The following RELL1 variants were observed in gnomAD, a reference collection of about 807,000 sequenced individuals.
RELL1 encodes RELT like 1.
A neutral mutation model predicts 23.0 loss-of-function variants in RELL1; 10 were observed. The ratio of observed to expected loss-of-function variants is 0.43; its 90% CI spans 0.27 to 0.74. The LOEUF (loss-of-function observed/expected upper bound fraction) is 0.74. RELL1 is among the 30% of genes least tolerant of loss of function. The pLI, the probability that RELL1 is intolerant of heterozygous loss-of-function variation, is 0.19. For synonymous variants in RELL1, 146 were observed against 146.8 expected (o/e 0.99, Z 0.04); for missense variants, 315 against 364.4 (o/e 0.86, Z 1.10).
At chr4:37,623,095 A>G (rs6531559) in intron 6 of RELL1, 310,206 of 311,226 alleles carry the variant, frequency 1, 154,599 homozygotes, top group Middle Eastern at 1. Flanking sequence ...GAGCCACCGC[A>G]CCCGGCCAAG....
chr4:37,669,270 C>CG (rs1721698325), intron 1 of RELL1, among the ~76,000 whole-genome samples: 1 of 134,200 alleles, frequency 7.5e-6, no homozygotes, highest in Non-Finnish European at 1.6e-5. Context: ...CCGCCCCATC[C>CG]GGGAGGTGAG....
chr4:37,602,630 C>G (rs1194490320), intron 6 of RELL1, among the ~76,000 whole-genome samples: 2 of 152,152 alleles, frequency 1.3e-5, no homozygotes, highest in African/African-American at 4.8e-5. Flanking sequence ...CCGCTTACAG[C>G]AGTCGCGCCC....
intron 2 of RELL1, 99 bp from the exon 3 acceptor site, chr4:37,647,538 A>T (rs146610183): frequency 1.2e-5 from 9 of 770,890 alleles, no homozygotes; most frequent in African/African-American, 5.2e-5. Flanking sequence ...AGTTTCCAGA[A>T]GCCTCAGGAG....
At chr4:37,631,612 C>T (rs900505249) in intron 5 of RELL1, 89 bp from the exon 6 acceptor site, 3 of 1,409,892 alleles carry the variant, frequency 2.1e-6, no homozygotes, top group South Asian at 1.3e-5. Flanking sequence ...CCCAGAGGAT[C>T]TCAAATGAAC....
At chr4:37,591,027 G>A (rs1413859009) in exon 7 of RELL1, 1 of 1,568,162 alleles carries the variant, frequency 6.4e-7, no homozygotes, top group Non-Finnish European at 8.7e-7. Flanking sequence ...AGGGAGGTAA[G>A]CTGGTGTCAT....
chr4:37,601,815 G>C (rs574034495), intron 6 of RELL1, among the ~76,000 whole-genome samples: 4 of 152,128 alleles, frequency 2.6e-5, no homozygotes, highest in Non-Finnish European at 4.4e-5. Flanking sequence ...TGGTTGGTTG[G>C]TTGCAAATGA....
At chr4:37,637,148 A>C (rs1322300924) in intron 4 of RELL1, among the ~76,000 whole-genome samples, 1 of 152,168 alleles carries the variant, frequency 6.6e-6, no homozygotes, top group Admixed American at 6.5e-5. Flanking sequence ...AGACAAAGAC[A>C]CCTTGAGCTA....
chr4:37,672,996 A>G (rs1218575086), intron 1 of RELL1, among the ~76,000 whole-genome samples: 1 of 152,154 alleles, frequency 6.6e-6, no homozygotes, highest in Non-Finnish European at 1.5e-5. Context: ...AATGGTTGAG[A>G]ATTCAATAGT....
At chr4:37,667,681 T>G (rs1721585342) in intron 1 of RELL1, among the ~76,000 whole-genome samples, 1 of 151,892 alleles carries the variant, frequency 6.6e-6, no homozygotes, top group Admixed American at 6.6e-5. Context: ...AGTGAGTCAG[T>G]TATTAGGAAG....
intron 1 of RELL1, among the ~76,000 whole-genome samples, chr4:37,673,186 CTTTT>C (rs71189095): frequency 2.1e-5 from 2 of 93,190 alleles, no homozygotes; most frequent in African/African-American, 4.1e-5. Flanking sequence ...CTTTTTTTTT[CTTTT>C]TTTTTTTTTT....
chr4:37,601,468 C>T (rs1276501299), intron 6 of RELL1, among the ~76,000 whole-genome samples: 5 of 152,140 alleles, frequency 3.3e-5, no homozygotes, highest in South Asian at 2.1e-4. Flanking sequence ...AGTTAGAAGA[C>T]GGGGTCCAAA....
intron 5 of RELL1, among the ~76,000 whole-genome samples, chr4:37,634,457 C>T (rs1229823557): frequency 6.6e-6 from 1 of 152,206 alleles, no homozygotes; most frequent in Non-Finnish European, 1.5e-5. Context: ...TTTCAAAACC[C>T]CTCGTGAACA....
chr4:37,680,694 C>T (rs755075640), intron 1 of RELL1, among the ~76,000 whole-genome samples: 2 of 152,016 alleles, frequency 1.3e-5, no homozygotes, highest in Non-Finnish European at 2.9e-5. Context: ...TTTGGGAGGC[C>T]GAGGCGGGCG....
At chr4:37,621,056 A>G (rs1008825550) in intron 6 of RELL1, among the ~76,000 whole-genome samples, 4 of 152,226 alleles carry the variant, frequency 2.6e-5, no homozygotes, top group Non-Finnish European at 4.4e-5. Flanking sequence ...CAGAACCTCT[A>G]TGGTGGAACC....
intron 1 of RELL1, among the ~76,000 whole-genome samples, chr4:37,682,046 A>C (rs1722245567): frequency 6.6e-6 from 1 of 152,230 alleles, no homozygotes; most frequent in South Asian, 2.1e-4. Flanking sequence ...CAGCTTACAC[A>C]TGAGTGACTT....
intron 5 of RELL1, among the ~76,000 whole-genome samples, chr4:37,632,825 C>T (rs1271024051): frequency 6.6e-6 from 1 of 152,158 alleles, no homozygotes; most frequent in Non-Finnish European, 1.5e-5. Context: ...TCTAGTATAT[C>T]ATCACCAAAT....
chr4:37,595,885 T>A (rs1050580906), intron 6 of RELL1, among the ~76,000 whole-genome samples: 5 of 152,192 alleles, frequency 3.3e-5, no homozygotes, highest in Non-Finnish European at 7.3e-5. Flanking sequence ...CCTCGTTTTT[T>A]AGTGATTTTG....
chr4:37,622,704 C>T (rs576293956), intron 6 of RELL1: 80 of 422,232 alleles, frequency 1.9e-4, no homozygotes, highest in South Asian at 1.4e-3. Flanking sequence ...AGGATAGAAG[C>T]TCTGTAAGAG....
chr4:37,590,573 C>G, downstream of RELL1: 1 of 1,614,174 alleles, frequency 6.2e-7, no homozygotes, highest in East Asian at 2.2e-5. Context: ...GAAAGTTTTG[C>G]CTTGGAAGTA....
Sources: gnomAD v4.1 joint callset for allele counts (sites outside exome capture counted in the v4.1 genomes callset) on GRCh38, gnomAD v4.1.1 for gene constraint, MANE v1.5 for transcripts, NCBI Gene and HGNC (gene_info 2026-07-23, HGNC 2026-07-21) for gene names.